Variants in DOP1A observed in about 807,000 individuals in gnomAD.
The protein encoded by DOP1A is DOP1 leucine zipper like protein A.
In DOP1A, 90 loss-of-function variants were observed where a neutral mutation model predicts 267.6. The ratio of observed to expected loss-of-function variants is 0.34; its 90% CI spans 0.28 to 0.40. DOP1A has a LOEUF of 0.40. Among genes scored for constraint, DOP1A ranks in the 10% least tolerant of loss-of-function variants. DOP1A has a pLI of 1.00. For missense variants in DOP1A, 2,437 were observed against 2,900.4 expected, an observed-to-expected ratio of 0.84 and a Z score of 3.67; for synonymous variants, 932 against 999.1, an observed-to-expected ratio of 0.93 and a Z score of 1.27.
intron 17 of DOP1A, among the ~76,000 whole-genome samples, chr6:83,130,930 G>C (rs540567051): frequency 1.3e-5 from 2 of 151,876 alleles, no homozygotes; most frequent in Non-Finnish European, 2.9e-5. Flanking sequence ...GTAGAGACAG[G>C]GTTTCACCAT....
downstream of DOP1A, chr6:83,171,057 G>A (rs1246501905): frequency 6.5e-6 from 1 of 152,680 alleles, no homozygotes. Flanking sequence ...AATAATGTTG[G>A]GGCCAGGTGC....
intron 1 of DOP1A, among the ~76,000 whole-genome samples, chr6:83,092,072 T>A (rs1273557526): frequency 2.0e-5 from 3 of 152,216 alleles, no homozygotes; most frequent in African/African-American, 7.2e-5. Flanking sequence ...TTATTAGCTA[T>A]CAGAGTTTAT....
chr6:83,150,583 TAAA>T (rs1781456346), intron 27 of DOP1A, among the ~76,000 whole-genome samples: 1 of 152,152 alleles, frequency 6.6e-6, no homozygotes, highest in Non-Finnish European at 1.5e-5. Context: ...ATTACCTAAT[TAAA>T]AAATAGATAT....
At chr6:83,116,891 A>G (rs1775527680) in intron 7 of DOP1A, among the ~76,000 whole-genome samples, 1 of 152,132 alleles carries the variant, frequency 6.6e-6, no homozygotes, top group African/African-American at 2.4e-5. Context: ...CCCAACTTTT[A>G]TTATTTGTCA....
At chr6:83,100,375 C>T (rs1172858446) in intron 3 of DOP1A, among the ~76,000 whole-genome samples, 1 of 152,044 alleles carries the variant, frequency 6.6e-6, no homozygotes, top group African/African-American at 2.4e-5. Flanking sequence ...GTTCATGTAA[C>T]ATTCCAGCTG....
chr6:83,068,315 G>A (rs1243691622), intron 1 of DOP1A, among the ~76,000 whole-genome samples: 1 of 152,222 alleles, frequency 6.6e-6, no homozygotes, highest in African/African-American at 2.4e-5. Context: ...GAAGTCAGAA[G>A]AGTCAAACGG....
At chr6:83,118,368 A>G (rs1775816568) in intron 7 of DOP1A, among the ~76,000 whole-genome samples, 2 of 152,204 alleles carry the variant, frequency 1.3e-5, no homozygotes, top group South Asian at 4.1e-4. Context: ...ACAAAATGAG[A>G]GAAAAATTAA....
intron 1 of DOP1A, among the ~76,000 whole-genome samples, chr6:83,087,568 TAGGAC>T (rs1322003611): frequency 6.6e-6 from 1 of 152,208 alleles, no homozygotes; most frequent in African/African-American, 2.4e-5. Flanking sequence ...GACTAGGAGT[TAGGAC>T]TCTAAAGCCA....
At chr6:83,125,786 G>T in intron 15 of DOP1A, 53 bp downstream of exon 15, 3 of 1,439,566 alleles carry the variant, frequency 2.1e-6, no homozygotes, top group Non-Finnish European at 2.9e-6. Context: ...CTTCAAAGCA[G>T]AACAGTTACT....
Position 83,129,058 on chromosome 6 carries a change from A to G in DOP1A, c.1891A>G (p.Ile631Val). 1 of 1,614,058 alleles carries G rather than the reference A, an allele frequency of 6.2e-7. No individual in the cohort carries two copies. The highest frequency in any genetic ancestry group is 8.5e-7 in the Non-Finnish European group (1 of 1,179,948). Residue 631 changes from isoleucine (I) to valine (V), a missense_variant, in exon 16 of 39, where the codon ATT becomes GTT. Coordinates refer to ENST00000349129, the MANE Select transcript of DOP1A (RefSeq NM_015018.4). ...SEGQGAAAIP[I>V]GSTSSETETA... ...GGGCCAGGGGGCAGCTGCCATCCCA[A>G]TTGGTAGCACATCCTCTGAGACAGA... is the stretch of plus-strand genomic sequence containing the variant.
intron 38 of DOP1A, 123 bp downstream of exon 38, chr6:83,163,042 C>A: frequency 1.8e-6 from 2 of 1,138,560 alleles, no homozygotes; most frequent in Admixed American, 2.4e-5. Flanking sequence ...GAAAACAAGT[C>A]CCCAGTTTTG....
intron 34 of DOP1A, among the ~76,000 whole-genome samples, chr6:83,156,875 GGTCC>G (rs1782922058): frequency 6.6e-6 from 1 of 151,550 alleles, no homozygotes; most frequent in Admixed American, 6.5e-5. Context: ...CTCAAAGTAT[GGTCC>G]ATGGACCAGT....
At chr6:83,136,567 G>C (rs566336254) in intron 20 of DOP1A, among the ~76,000 whole-genome samples, 6 of 152,098 alleles carry the variant, frequency 3.9e-5, no homozygotes, top group Non-Finnish European at 7.4e-5. Flanking sequence ...GAGTCTCATG[G>C]CTATTAAGTG....
intron 27 of DOP1A, among the ~76,000 whole-genome samples, chr6:83,149,142 T>A (rs907370117): frequency 1.3e-4 from 19 of 151,786 alleles, no homozygotes; most frequent in African/African-American, 4.4e-4. Context: ...GTGGAGAGTA[T>A]GGAATGGAAA....
chr6:83,153,960 C>T lies in DOP1A; in HGVS notation c.6306C>T (p.Tyr2102=), dbSNP rs778912096. Residue 2102 remains tyrosine (Y), a synonymous_variant, in exon 32 of 39, where the codon TAC becomes TAT. Transcript: ENST00000349129. ...QLLSSLSGYQ[Y]TRRAWKKEAF... is the part of the protein sequence containing the mutation. ...TCAGCAGTCTTAGTGGGTATCAGTA[C>T]ACACGGAGAGCTTGGAAAAAAGAAG... 42 of 1,613,930 alleles carry T rather than the reference C, an allele frequency of 2.6e-5. No individual in the cohort carries two copies. The highest frequency in any genetic ancestry group is 3.3e-5 in the Non-Finnish European group (39 of 1,179,992).
Position 83,159,905 on chromosome 6 carries a change from A to G in DOP1A, c.6907A>G (p.Lys2303Glu). 1 of 1,614,118 alleles carries G rather than the reference A, an allele frequency of 6.2e-7. No homozygotes were observed. The highest frequency in any genetic ancestry group is 8.5e-7 in the Non-Finnish European group (1 of 1,180,024). ...GTTAAACCTCTATCTCTCTGCTTGC[A>G]AATTTTTGGATTTGGCTCTCGCATT... ...RWLNLYLSAC[K>E]FLDLALALPS... Residue 2303 changes from lysine to glutamate, a missense_variant, in exon 37 of 39, where the codon AAA (lysine) becomes GAA (glutamate). Physicochemically the swap from Lys to Glu is moderately conservative, Grantham distance 56. Transcript: ENST00000349129.
chr6:83,163,644 A>G (rs548025758), intron 38 of DOP1A, among the ~76,000 whole-genome samples: 1 of 152,268 alleles, frequency 6.6e-6, no homozygotes, highest in South Asian at 2.1e-4. Flanking sequence ...ATATAACCGA[A>G]TCTAAAGTTT....
intron 5 of DOP1A, 99 bp from the exon 6 acceptor site, chr6:83,110,026 A>T: frequency 1.6e-6 from 2 of 1,255,264 alleles, no homozygotes; most frequent in Non-Finnish European, 2.2e-6. Flanking sequence ...ATATGACTGT[A>T]GCATGGGTGT....
In DOP1A at chr6:83,092,562, C is replaced by A. The variant is rs1016902759; in HGVS notation, c.-146-4169C>A. On this transcript the variant is annotated intron_variant, in intron 1 of 38. Coordinates refer to ENST00000349129, the MANE Select transcript of DOP1A (RefSeq NM_015018.4). ...GAAGGGACAGTAGTGTCCCTCCCCC[C>A]CCCCCCACCATATTCACCAGGGATA... is the stretch of plus-strand genomic sequence containing the variant. Among the ~76,000 whole-genome samples, 234 of 115,750 alleles carry A rather than the reference C, an allele frequency of 2.0e-3. 4 individuals are homozygous for A. The highest frequency in any genetic ancestry group is 6.6e-3 in the African/African-American group (203 of 30,912). The allele number at this position is 115,750 out of a possible 152,430, so 75.9% of individuals were successfully genotyped here.
Sources: gnomAD v4.1 joint callset for allele counts (sites outside exome capture counted in the v4.1 genomes callset) on GRCh38, gnomAD v4.1.1 for gene constraint, MANE v1.5 for transcripts, NCBI Gene and HGNC (gene_info 2026-07-23, HGNC 2026-07-21) for gene names.